Variants in TBC1D2 observed in about 807,000 individuals in gnomAD.
TBC1D2 encodes the protein TBC1 domain family member 2A.
In TBC1D2, 58 loss-of-function variants were observed where a neutral mutation model predicts 91.1. That is an observed-to-expected ratio of 0.64 (90% CI 0.52 to 0.79). The LOEUF is 0.79. Among genes scored for constraint, TBC1D2 ranks in the 30% least tolerant of loss-of-function variants. The probability of loss-of-function intolerance (pLI) is 0.00; values close to 1 mark genes in which losing one functional copy is unlikely to be tolerated. For synonymous variants in TBC1D2, 482 were observed against 511.5 expected, an observed-to-expected ratio of 0.94 and a Z score of 0.78; for missense variants, 1,080 against 1,208.3, an observed-to-expected ratio of 0.89 and a Z score of 1.57.
intron 11 of TBC1D2, among the ~76,000 whole-genome samples, 199 bp from the exon 12 acceptor site, chr9:98,200,573 G>A (rs535780630): frequency 6.7e-6 from 1 of 149,632 alleles, no homozygotes; most frequent in Non-Finnish European, 1.5e-5. Flanking sequence ...GTGGGGGGGC[G>A]GGGGAAGGGA....
rs917193399 is a variant in TBC1D2 at position 98,243,835 on chromosome 9, C to A, written c.647+159G>T. 2.6e-5 allele frequency among the ~76,000 whole-genome samples: 4 copies of A among 152,274 alleles called. No individual in the cohort carries two copies. In the East Asian group the frequency reaches 5.8e-4, roughly 22 times the overall value. On this transcript the variant is annotated intron_variant, in intron 3 of 12. Transcript: ENST00000465784. ...TATAGGCATAAGCCACCACACCCGGCCAAATGTAATATTTTAAAGTGATGA... is the reference window on the plus strand; with the variant it reads ...TATAGGCATAAGCCACCACACCCGGACAAATGTAATATTTTAAAGTGATGA...
intron 4 of TBC1D2, among the ~76,000 whole-genome samples, chr9:98,232,115 T>C (rs1299115686): frequency 1.3e-5 from 2 of 152,132 alleles, no homozygotes; most frequent in East Asian, 1.9e-4. Flanking sequence ...GAATTACACA[T>C]TTTAAATGGG....
chr9:98,211,067 A>G (rs1313148177), intron 7 of TBC1D2, among the ~76,000 whole-genome samples: 1 of 152,100 alleles, frequency 6.6e-6, no homozygotes, highest in Non-Finnish European at 1.5e-5. Flanking sequence ...GGTTCAGAAG[A>G]AAGAGGAGAG....
intron 9 of TBC1D2, among the ~76,000 whole-genome samples, chr9:98,204,311 C>T (rs901779960): frequency 6.6e-6 from 1 of 152,200 alleles, no homozygotes; most frequent in East Asian, 1.9e-4. Context: ...AGGCTTATGA[C>T]ACACACTGTC....
chr9:98,210,645 G>T lies in TBC1D2; in HGVS notation c.1673+11C>A, dbSNP rs368666406. 4.5e-6 allele frequency: 7 copies of T among 1,569,502 alleles called. No homozygotes were observed. Among genetic ancestry groups the T allele is most frequent in the African/African-American group, 2.7e-5 (2 of 73,652 alleles). ...CACATAGACCAGCCCTTCCTGGGCC[G>T]CCAGGCTCACCTGATGGGGCTCAGC... is the stretch of plus-strand genomic sequence containing the variant. On this transcript the variant is annotated intron_variant, in intron 8 of 12. Transcript: ENST00000465784.
chr9:98,203,756 G>T (rs1828575232), intron 9 of TBC1D2, among the ~76,000 whole-genome samples: 1 of 152,280 alleles, frequency 6.6e-6, no homozygotes, highest in African/African-American at 2.4e-5. Flanking sequence ...CTATTTTGAG[G>T]ATGAACAGAG....
intron 3 of TBC1D2, among the ~76,000 whole-genome samples, chr9:98,242,802 C>CTTTT (rs1563988076): frequency 3.0e-5 from 3 of 99,838 alleles, no homozygotes; most frequent in African/African-American, 1.1e-4. Flanking sequence ...CACACTGCTG[C>CTTTT]CTTTTTTTTT....
At chr9:98,204,587 C>T (rs1229510726) in intron 9 of TBC1D2, among the ~76,000 whole-genome samples, 2 of 152,210 alleles carry the variant, frequency 1.3e-5, no homozygotes, top group African/African-American at 4.8e-5. Context: ...TCATGACCTC[C>T]ACCTTCTTTT....
intron 1 of TBC1D2, among the ~76,000 whole-genome samples, chr9:98,254,434 T>C (rs1829932297): frequency 1.3e-5 from 2 of 152,242 alleles, no homozygotes; most frequent in Admixed American, 6.5e-5. Flanking sequence ...ATGTGTCAAA[T>C]GCTTACAAAC....
At chr9:98,219,174 T>C (rs895605177) in intron 6 of TBC1D2, among the ~76,000 whole-genome samples, 2 of 152,252 alleles carry the variant, frequency 1.3e-5, no homozygotes, top group African/African-American at 4.8e-5. Flanking sequence ...CCTTTTCCTT[T>C]ATCCTTCTAA....
chr9:98,251,216 G>A (rs189573998), intron 2 of TBC1D2, among the ~76,000 whole-genome samples: 9 of 152,108 alleles, frequency 5.9e-5, no homozygotes, highest in Admixed American at 3.3e-4. Flanking sequence ...GCTTAAACCC[G>A]GGAGGCGGAA....
chr9:98,251,949 G>C, intron 1 of TBC1D2, 23 bp from the exon 2 acceptor site: 2 of 1,589,054 alleles, frequency 1.3e-6, no homozygotes, highest in Non-Finnish European at 1.7e-6. Context: ...AGGATTAGTT[G>C]GCAAGGCCCT....
At chr9:98,247,438 G>A (rs955476581) in intron 2 of TBC1D2, among the ~76,000 whole-genome samples, 10 of 150,592 alleles carry the variant, frequency 6.6e-5, no homozygotes, top group South Asian at 2.1e-4. Context: ...TTAAAAAGCC[G>A]TAAAGCTGGG....
In TBC1D2 at chr9:98,229,086, G is replaced by C. The variant is rs1300331061; in HGVS notation, c.844C>G (p.Gln282Glu). The C allele has an allele frequency of 6.2e-7, 1 of 1,614,238 alleles. No homozygotes were observed. Among genetic ancestry groups the C allele is most frequent in the Non-Finnish European group, 8.5e-7 (1 of 1,180,044 alleles). Residue 282 changes from glutamine (Q) to glutamate (E), a missense_variant, in exon 5 of 13, where the codon CAG (glutamine) becomes GAG (glutamate). Physicochemically the swap from Gln to Glu is conservative, Grantham distance 29. Coordinates refer to ENST00000465784, the MANE Select transcript of TBC1D2 (RefSeq NM_001267571.2). ...GTGTTGTTCTGGCGCTTGGCTTTCTGAGCGAAACTGATGGTCAGAGAAGGC... is the reference window on the plus strand; with the variant it reads ...GTGTTGTTCTGGCGCTTGGCTTTCTCAGCGAAACTGATGGTCAGAGAAGGC... ...PKPSLTISFA[Q>E]KAKRQNNTFP...
Position 98,201,561 on chromosome 9 carries a change from C to A in TBC1D2, c.2375G>T (p.Trp792Leu). The A allele has an allele frequency of 6.2e-7, 1 of 1,614,168 alleles. No homozygotes were observed. Among genetic ancestry groups the A allele is most frequent in the East Asian group, 2.2e-5 (1 of 44,874 alleles). ...ACTGTCCGCAAAGACCACGAGGAAC[C>A]AGTTGAAGGTGACGAGGGAGAGATC... ...HVDLSLVTFN[W>L]FLVVFADSLI... The change falls in exon 11 of 13, where the codon TGG becomes TTG. Residue 792 changes from tryptophan (W) to leucine (L), a missense_variant. Coordinates refer to ENST00000465784, the MANE Select transcript of TBC1D2 (RefSeq NM_001267571.2).
chr9:98,201,450 C>T (rs752901826), intron 11 of TBC1D2, 29 bp downstream of exon 11: 3 of 1,604,446 alleles, frequency 1.9e-6, no homozygotes, highest in Non-Finnish European at 1.7e-6. Flanking sequence ...GCTCAGGGGC[C>T]CCCTGCCCAT....
chr9:98,209,760 C>CTTCCTTCCTTCCTTCCTTCCT (rs1564236675), intron 8 of TBC1D2, among the ~76,000 whole-genome samples: 2 of 65,544 alleles, frequency 3.1e-5, no homozygotes, highest in Non-Finnish European at 7.6e-5. Context: ...CCTTCCTTTC[C>CTTCCTTCCTTCCTTCCTTCCT]TTCCTTCCTT....
At chr9:98,214,592 A>T (rs113242198) in intron 6 of TBC1D2, among the ~76,000 whole-genome samples, 4 of 128,698 alleles carry the variant, frequency 3.1e-5, no homozygotes, top group African/African-American at 1.3e-4. Context: ...GCGATGCTGC[A>T]GCAAGGATGA....
At chr9:98,237,339 T>A (rs2119158829) in intron 3 of TBC1D2, among the ~76,000 whole-genome samples, 2 of 137,088 alleles carry the variant, frequency 1.5e-5, no homozygotes, top group South Asian at 2.4e-4. Flanking sequence ...AGAGCAAGAC[T>A]GTCTCAAAAA....
Sources: gnomAD v4.1 joint callset for allele counts (sites outside exome capture counted in the v4.1 genomes callset) on GRCh38, gnomAD v4.1.1 for gene constraint, MANE v1.5 for transcripts, NCBI Gene and HGNC (gene_info 2026-07-23, HGNC 2026-07-21) for gene names.